The following GALNTL5 variants were observed in gnomAD, a reference collection of about 807,000 sequenced individuals.
GALNTL5 encodes inactive polypeptide N-acetylgalactosaminyltransferase-like protein 5.
Under a neutral mutation model 51.0 loss-of-function variants are expected in GALNTL5, and 44 were observed. That is an observed-to-expected ratio of 0.86 (90% CI 0.68 to 1.11). The LOEUF is 1.11. Among genes scored for constraint, GALNTL5 ranks in the 50% least tolerant of loss-of-function variants. The pLI, the probability that GALNTL5 is intolerant of heterozygous loss-of-function variation, is 0.00. For missense variants in GALNTL5, 528 were observed against 531.8 expected, an observed-to-expected ratio of 0.99 and a Z score of 0.07; for synonymous variants, 192 against 182.8, an observed-to-expected ratio of 1.05 and a Z score of -0.41.
At chr7:151,987,084 G>A (rs2081367672) in intron 4 of GALNTL5, 75 bp from the exon 5 acceptor site, 8 of 1,284,078 alleles carry the variant, frequency 6.2e-6, no homozygotes, top group African/African-American at 1.5e-5. Flanking sequence ...TTAGGAATAC[G>A]TCATAATGAT....
At chr7:152,017,829 C>A (rs563865889) in intron 8 of GALNTL5, among the ~76,000 whole-genome samples, 1 of 151,924 alleles carries the variant, frequency 6.6e-6, no homozygotes, top group African/African-American at 2.4e-5. Flanking sequence ...CTTGACAATC[C>A]TCAAATGAGA....
At chr7:152,013,729 CACA>C (rs2081768871) in intron 7 of GALNTL5, among the ~76,000 whole-genome samples, 1 of 152,138 alleles carries the variant, frequency 6.6e-6, no homozygotes, top group African/African-American at 2.4e-5. Flanking sequence ...AATAATTTCA[CACA>C]ACATCAAATG....
At chr7:151,973,840 G>A (rs945851198) in intron 3 of GALNTL5, among the ~76,000 whole-genome samples, 2 of 152,082 alleles carry the variant, frequency 1.3e-5, no homozygotes, top group Admixed American at 6.6e-5. Context: ...ATGTTGAATT[G>A]TAATCCTCAG....
intron 5 of GALNTL5, among the ~76,000 whole-genome samples, chr7:151,988,232 G>C (rs1378999381): frequency 5.3e-5 from 8 of 152,200 alleles, no homozygotes; most frequent in African/African-American, 1.9e-4. Flanking sequence ...CAGTTTCTGG[G>C]GAGGGACTTT....
chr7:151,978,574 G>T (rs2081234676), intron 3 of GALNTL5, among the ~76,000 whole-genome samples: 1 of 152,296 alleles, frequency 6.6e-6, no homozygotes, highest in Non-Finnish European at 1.5e-5. Context: ...TCCAAATATT[G>T]GTTTGGTAGG....
intron 1 of GALNTL5, among the ~76,000 whole-genome samples, chr7:151,962,660 G>T (rs1238985319): frequency 2.0e-5 from 3 of 151,780 alleles, no homozygotes; most frequent in African/African-American, 7.3e-5. Flanking sequence ...CCAGACTGGA[G>T]TGCAGTGGCA....
intron 4 of GALNTL5, among the ~76,000 whole-genome samples, 187 bp downstream of exon 4, chr7:151,983,339 G>A (rs918767117): frequency 6.6e-6 from 1 of 151,920 alleles, no homozygotes; most frequent in Non-Finnish European, 1.5e-5. Flanking sequence ...CACCACGCCC[G>A]GCTAATTTTT....
At chr7:151,975,753 A>C (rs2081196939) in intron 3 of GALNTL5, among the ~76,000 whole-genome samples, 1 of 150,554 alleles carries the variant, frequency 6.6e-6, no homozygotes, top group Non-Finnish European at 1.5e-5. Flanking sequence ...ATGTTTTGGT[A>C]TTTTTTTTTA....
At chr7:151,958,460 C>T (rs1183989025) in intron 1 of GALNTL5, among the ~76,000 whole-genome samples, 1 of 152,220 alleles carries the variant, frequency 6.6e-6, no homozygotes, top group African/African-American at 2.4e-5. Flanking sequence ...TCTGAGCCCC[C>T]AAGGACTGTT....
At chr7:151,982,425 A>G (rs574306918) in intron 3 of GALNTL5, among the ~76,000 whole-genome samples, 1 of 152,354 alleles carries the variant, frequency 6.6e-6, no homozygotes, top group East Asian at 1.9e-4. Context: ...AAAAAGAATG[A>G]ATAAATAAAA....
chr7:151,980,104 G>A (rs2081260289), intron 3 of GALNTL5, among the ~76,000 whole-genome samples: 1 of 151,944 alleles, frequency 6.6e-6, no homozygotes, highest in Non-Finnish European at 1.5e-5. Context: ...ATTTTTTTGA[G>A]ACAGAGTCTC....
intron 7 of GALNTL5, 76 bp from the exon 8 acceptor site, chr7:152,014,568 A>G: frequency 7.0e-7 from 1 of 1,422,624 alleles, no homozygotes; most frequent in South Asian, 1.4e-5. Context: ...GCACCTGGCC[A>G]TTATATTGGT....
At chr7:151,962,453 G>GTTTTTTTTTTTAT (rs2081004591) in intron 1 of GALNTL5, among the ~76,000 whole-genome samples, 1 of 28,370 alleles carries the variant, frequency 3.5e-5, no homozygotes. Flanking sequence ...TTTTTTTTTG[G>GTTTTTTTTTTTAT]TTAATGCAGT....
At chr7:152,005,673 A>C (rs28588502) in intron 6 of GALNTL5, among the ~76,000 whole-genome samples, 60,172 of 151,912 alleles carry the variant, frequency 0.4, 12,375 homozygotes, top group Middle Eastern at 0.44. Flanking sequence ...AAAAATATAG[A>C]ATATGTATAT....
intron 3 of GALNTL5, among the ~76,000 whole-genome samples, chr7:151,981,042 G>A (rs1166164194): frequency 6.6e-6 from 1 of 152,096 alleles, no homozygotes; most frequent in Admixed American, 6.6e-5. Context: ...ACCGCGCCCG[G>A]CCACAATGAT....
At position 151,964,248 on chromosome 7, in the gene GALNTL5, G is replaced by T. The variant is rs573152754; in HGVS notation, c.-39-2960G>T. ...TATAACCATAATTACCTCTTTAAAA[G>T]CTCTGTCTCCAAATGCAGTCGCACT... On this transcript the variant is annotated intron_variant, in intron 1 of 8. Coordinates refer to ENST00000392800, the MANE Select transcript of GALNTL5 (RefSeq NM_145292.4). Among the ~76,000 whole-genome samples the T allele has an allele frequency of 1.7e-4, 26 of 152,270 alleles. 1 individual carries two copies. The highest frequency in any genetic ancestry group is 6.0e-4 in the African/African-American group (25 of 41,556).
rs142605855 is a variant in GALNTL5 at position 151,961,641 on chromosome 7, G to A, written c.-40+5032G>A. Reference sequence around the variant, plus strand: ...GAGTGTGGGTCGAAGGAGGACAGACGCTGACGGTCCTAGAGCTTGGATTTA... The same window carrying A: ...GAGTGTGGGTCGAAGGAGGACAGACACTGACGGTCCTAGAGCTTGGATTTA... On this transcript the variant is annotated intron_variant, in intron 1 of 8. Transcript: ENST00000392800. Among the ~76,000 whole-genome samples the A allele has an allele frequency of 3.8e-3, 583 of 152,204 alleles. 9 individuals carry two copies. The highest frequency in any genetic ancestry group is 0.013 in the African/African-American group (555 of 41,526).
At chr7:152,014,881 C>A in intron 8 of GALNTL5, 88 bp downstream of exon 8, 2 of 1,279,664 alleles carry the variant, frequency 1.6e-6, no homozygotes, top group South Asian at 1.5e-5. Context: ...TTTCCAGATC[C>A]AGCGTTTGTT....
chr7:152,002,614 A>C, intron 5 of GALNTL5, 100 bp from the exon 6 acceptor site: 1 of 1,294,462 alleles, frequency 7.7e-7, no homozygotes, highest in Non-Finnish European at 1.1e-6. Flanking sequence ...CCAAACACAT[A>C]GTAAATGCTC....
Sources: gnomAD v4.1 joint callset for allele counts (sites outside exome capture counted in the v4.1 genomes callset) on GRCh38, gnomAD v4.1.1 for gene constraint, MANE v1.5 for transcripts, NCBI Gene and HGNC (gene_info 2026-07-23, HGNC 2026-07-21) for gene names.